Variants in RBCK1 observed in about 807,000 individuals in gnomAD.
The protein encoded by RBCK1 is RANBP2-type and C3HC4-type zinc finger containing 1.
A neutral mutation model predicts 71.1 loss-of-function variants in RBCK1; 44 were observed. That is an observed-to-expected ratio of 0.62 (90% CI 0.49 to 0.80). The LOEUF is 0.80. Ranked by LOEUF, RBCK1 falls within the 30% of genes least tolerant of loss-of-function variation. RBCK1 has a pLI of 0.00. For synonymous variants in RBCK1, 306 were observed against 279.7 expected (o/e 1.09, Z -0.94); for missense variants, 569 against 685.0 (o/e 0.83, Z 1.89).
At chr20:412,614 C>T (rs758917306) in intron 2 of RBCK1, among the ~76,000 whole-genome samples, 5 of 152,262 alleles carry the variant, frequency 3.3e-5, no homozygotes, top group South Asian at 2.1e-4. Context: ...CCACTGCACC[C>T]GGCTGGGTTT....
chr20:428,602 C>G lies in RBCK1; in HGVS notation c.1308+13C>G, dbSNP rs200793606. On this transcript the variant is annotated intron_variant, in intron 10 of 11. Coordinates refer to ENST00000356286, the MANE Select transcript of RBCK1 (RefSeq NM_031229.4). The surrounding 1 kb of genome is among the most constrained non-coding windows in gnomAD (Gnocchi z 5.7). The stretch of plus-strand genomic sequence containing the variant: ...AGAGATGCTGAAGGTGAGGCTGGGA[C>G]AGGGCCGAGGCCTAGGGATTTTAAG... 1 of 1,601,608 alleles carries G rather than the reference C, an allele frequency of 6.2e-7. No homozygotes were observed. Among genetic ancestry groups the G allele is most frequent in the East Asian group, 2.2e-5 (1 of 44,470 alleles).
rs6051957 is a variant in RBCK1, at chr20:429,158, T to C, written c.1452+64T>C. ...TGTGGGCTTTGCCTTAGAGGAGGGC[T>C]GGGAAAACTACAGCCCATGGGCCAT... is the stretch of plus-strand genomic sequence containing the variant. On this transcript the variant is annotated intron_variant, in intron 11 of 11. Coordinates refer to ENST00000356286, the MANE Select transcript of RBCK1 (RefSeq NM_031229.4). 98,531 of 1,542,482 alleles carry C rather than the reference T, an allele frequency of 0.064. 4,259 individuals carry two copies. Among genetic ancestry groups the C allele is most frequent in the African/African-American group, 0.22 (15,577 of 72,342 alleles).
At chr20:419,268 T>C in intron 4 of RBCK1, 79 bp from the exon 5 acceptor site, 3 of 1,581,414 alleles carry the variant, frequency 1.9e-6, no homozygotes, top group Non-Finnish European at 2.6e-6. Context: ...TCTGCCTGGC[T>C]GGCTCAGGGA....
intron 2 of RBCK1, among the ~76,000 whole-genome samples, chr20:411,683 T>C (rs912533307): frequency 6.6e-6 from 1 of 152,208 alleles, no homozygotes; most frequent in Non-Finnish European, 1.5e-5. Context: ...GGCTAATTTT[T>C]AGAAAGTCTG....
intron 2 of RBCK1, among the ~76,000 whole-genome samples, chr20:414,758 C>T (rs1197405635): frequency 1.3e-5 from 2 of 152,140 alleles, no homozygotes; most frequent in Non-Finnish European, 2.9e-5. Context: ...AAACCATATG[C>T]ACTTTTATGT....
intron 8 of RBCK1, among the ~76,000 whole-genome samples, chr20:423,968 G>C (rs2016573742): frequency 6.6e-6 from 1 of 152,194 alleles, no homozygotes. Context: ...GAGCAGCCAT[G>C]GGGAGCCCCA....
At chr20:423,900 C>T (rs1230261091) in intron 8 of RBCK1, among the ~76,000 whole-genome samples, 1 of 152,150 alleles carries the variant, frequency 6.6e-6, no homozygotes, top group Non-Finnish European at 1.5e-5. Context: ...ACTTCAATGT[C>T]TCACCCACCA....
Position 408,612 on chromosome 20 carries a change from C to T in RBCK1, c.-146C>T, listed in dbSNP as rs2015509014. ...TGCTTCCCGACTGCCGCGGGGACAG[C>T]GAGGCACACACAGGGCTTGGGCCGC... On this transcript the variant is annotated 5_prime_UTR_variant, in exon 1 of 12. Transcript: ENST00000356286. The T allele has an allele frequency of 2.0e-6, 2 of 980,680 alleles. No individual in the cohort carries two copies. Among genetic ancestry groups the T allele is most frequent in the African/African-American group, 1.6e-5 (1 of 62,480 alleles). 60.7% of individuals were successfully genotyped at this position (980,680 alleles called of 1,614,324 possible).
chr20:419,308 G>A, intron 4 of RBCK1, 39 bp from the exon 5 acceptor site: 4 of 1,610,584 alleles, frequency 2.5e-6, no homozygotes, highest in Non-Finnish European at 3.4e-6. Context: ...GGACCAAGTG[G>A]GCCGCGTGGA....
chr20:408,895 C>T lies in RBCK1; in HGVS notation c.22+116C>T, dbSNP rs901641802. On this transcript the variant is annotated intron_variant, in intron 1 of 11. Transcript: ENST00000356286. Reference sequence around the variant, plus strand: ...GAGGGGGCTTTAGCCTGCCCTCCCTCTACCCTCCTCCCCATCAGTTTCCTC... The same window carrying T: ...GAGGGGGCTTTAGCCTGCCCTCCCTTTACCCTCCTCCCCATCAGTTTCCTC... 12 of 1,207,374 alleles carry T rather than the reference C, an allele frequency of 9.9e-6. No individual in the cohort carries two copies. The African/African-American group carries it at 1.7e-4, about 17-fold the overall frequency. 74.8% of individuals were successfully genotyped at this position (1,207,374 alleles called of 1,614,324 possible).
chr20:411,658 C>T (rs2122184268), intron 2 of RBCK1, among the ~76,000 whole-genome samples: 1 of 152,320 alleles, frequency 6.6e-6, no homozygotes, highest in East Asian at 1.9e-4. Context: ...TGAGCCACCA[C>T]ACCCAGCCAC....
chr20:427,929 TAAGGCCTGACCCTGGCCCTATACC>T (rs1345414809), intron 9 of RBCK1, among the ~76,000 whole-genome samples: 1 of 152,096 alleles, frequency 6.6e-6, no homozygotes, highest in East Asian at 1.9e-4. Flanking sequence ...TGTGACAGAC[TAAGGCCTGACCCTGGCCCTATACC>T]ACGTCTCCAC....
chr20:420,291 C>T, intron 6 of RBCK1: 2 of 985,120 alleles, frequency 2.0e-6, no homozygotes, highest in Non-Finnish European at 2.4e-6. Flanking sequence ...CCTACCCCGC[C>T]CCCATCGTGA....
intron 1 of RBCK1, 60 bp from the exon 2 acceptor site, chr20:409,821 T>C: frequency 6.4e-7 from 1 of 1,573,312 alleles, no homozygotes; most frequent in Non-Finnish European, 8.6e-7. Flanking sequence ...CCTACCCCAT[T>C]ACTCTCAGCT....
chr20:425,073 C>G (rs142222146), intron 8 of RBCK1, among the ~76,000 whole-genome samples: 108 of 151,956 alleles, frequency 7.1e-4, no homozygotes, highest in African/African-American at 2.2e-3. Flanking sequence ...TGCAATGGCG[C>G]GATCTCAGCC....
intron 2 of RBCK1, among the ~76,000 whole-genome samples, chr20:415,917 C>G (rs1291775799): frequency 6.6e-6 from 1 of 152,134 alleles, no homozygotes; most frequent in Non-Finnish European, 1.5e-5. Context: ...ACAGCCAGAT[C>G]TCACGAGGAC....
At chr20:426,850 G>C (rs2016750507) in intron 8 of RBCK1, among the ~76,000 whole-genome samples, 1 of 79,638 alleles carries the variant, frequency 1.3e-5, no homozygotes, top group Non-Finnish European at 2.3e-5. Context: ...TTTTTAGCTA[G>C]GATTTCATTC....
intron 4 of RBCK1, among the ~76,000 whole-genome samples, chr20:418,639 A>G (rs6051883): frequency 1.7e-4 from 26 of 152,338 alleles, no homozygotes; most frequent in South Asian, 6.2e-4. Flanking sequence ...AAGTGCTGGG[A>G]TTACAGGCGT....
chr20:418,774 A>G (rs1421085256), intron 4 of RBCK1, among the ~76,000 whole-genome samples: 1 of 152,200 alleles, frequency 6.6e-6, no homozygotes, highest in East Asian at 1.9e-4. Context: ...TAAATAATTC[A>G]GTGTGCATTT....
Sources: allele counts gnomAD v4.1 joint callset (sites outside exome capture counted in the v4.1 genomes callset), GRCh38; gene constraint gnomAD v4.1.1; non-coding constraint Gnocchi (gnomAD v3.1); transcripts MANE v1.5; gene names NCBI Gene and HGNC (gene_info 2026-07-23, HGNC 2026-07-21).